CTNNA2: variants seen among roughly 807,000 people sequenced by gnomAD.
CTNNA2 encodes catenin alpha-2.
CTNNA2 carries 42 observed loss-of-function variants against 101.0 expected under a neutral mutation model. The ratio of observed to expected loss-of-function variants is 0.42; its 90% CI spans 0.32 to 0.54. The LOEUF is 0.54. CTNNA2 is among the 20% of genes least tolerant of loss of function. The pLI is 0.14. For synonymous variants in CTNNA2, 450 were observed against 456.4 expected (o/e 0.99, Z 0.18); for missense variants, 871 against 1,223.1 (o/e 0.71, Z 4.29).
intron 3 of CTNNA2, among the ~76,000 whole-genome samples, chr2:79,793,610 A>G (rs1056229256): frequency 6.6e-6 from 1 of 152,104 alleles, no homozygotes; most frequent in African/African-American, 2.4e-5. Flanking sequence ...GTGATAAGAG[A>G]GTCTCGAATA....
intron 3 of CTNNA2, among the ~76,000 whole-genome samples, chr2:79,781,628 G>A (rs1467969429): frequency 6.6e-6 from 1 of 152,126 alleles, no homozygotes; most frequent in Admixed American, 6.6e-5. Flanking sequence ...AGATCAAAAA[G>A]TATTTGATAG....
intron 16 of CTNNA2, among the ~76,000 whole-genome samples, chr2:80,607,303 C>T (rs1348891596): frequency 6.6e-6 from 1 of 151,826 alleles, no homozygotes; most frequent in Non-Finnish European, 1.5e-5. Context: ...CTGGAAGTAG[C>T]TCAAGCTGAA....
intron 7 of CTNNA2, among the ~76,000 whole-genome samples, chr2:80,028,870 G>A (rs1695109162): frequency 1.3e-5 from 2 of 152,208 alleles, no homozygotes; most frequent in African/African-American, 4.8e-5. Flanking sequence ...GTTTCCAAAA[G>A]AGAAGTAGCT....
intron 7 of CTNNA2, among the ~76,000 whole-genome samples, chr2:80,007,690 A>G (rs942855435): frequency 2.0e-5 from 3 of 152,162 alleles, no homozygotes; most frequent in African/African-American, 7.2e-5. Context: ...AACAGTTCTC[A>G]TTAGAGATCA....
chr2:79,976,159 A>G (rs532768847), intron 7 of CTNNA2, among the ~76,000 whole-genome samples: 2 of 152,332 alleles, frequency 1.3e-5, no homozygotes, highest in South Asian at 4.1e-4. Context: ...TGTATTTCAC[A>G]TTCTCACAAG....
intron 4 of CTNNA2, among the ~76,000 whole-genome samples, chr2:79,390,308 G>A (rs1678158204): frequency 1.3e-5 from 2 of 152,078 alleles, no homozygotes; most frequent in Admixed American, 6.6e-5. Flanking sequence ...TTATTTATTT[G>A]CAATGAGATA....
intron 15 of CTNNA2, among the ~76,000 whole-genome samples, chr2:80,591,614 T>C (rs1194299926): frequency 1.3e-5 from 2 of 151,990 alleles, no homozygotes; most frequent in Admixed American, 1.3e-4. Context: ...GCTCCATAAC[T>C]CTAAACATTC....
At chr2:79,840,594 A>T (rs370329212) in intron 3 of CTNNA2, among the ~76,000 whole-genome samples, 1 of 152,076 alleles carries the variant, frequency 6.6e-6, no homozygotes, top group African/African-American at 2.4e-5. Context: ...TGAGCCTATT[A>T]TAAGAGATAT....
At chr2:79,826,158 T>C (rs546119934) in intron 3 of CTNNA2, among the ~76,000 whole-genome samples, 3 of 152,272 alleles carry the variant, frequency 2.0e-5, no homozygotes, top group Admixed American at 2.0e-4. Context: ...ATATTTGTAG[T>C]AGTCAATGTA....
intron 6 of CTNNA2, among the ~76,000 whole-genome samples, chr2:79,894,710 A>G (rs750208266): frequency 3.3e-5 from 5 of 151,974 alleles, no homozygotes; most frequent in Non-Finnish European, 7.4e-5. Context: ...AACTACCCCA[A>G]TTTCTATGCC....
chr2:79,802,071 C>T (rs1031274997), intron 3 of CTNNA2, among the ~76,000 whole-genome samples: 15 of 151,560 alleles, frequency 9.9e-5, no homozygotes, highest in Admixed American at 9.9e-4. Context: ...GCAGAAGCTT[C>T]TGAGCTTCTG....
At chr2:80,558,458 GTA>G (rs1558585225) in intron 12 of CTNNA2, among the ~76,000 whole-genome samples, 2 of 53,894 alleles carry the variant, frequency 3.7e-5, no homozygotes, top group Non-Finnish European at 1.5e-4. Context: ...GTGTGTGTGT[GTA>G]TATATGTGTG....
chr2:80,647,573 T>C lies in CTNNA2; in HGVS notation c.2575-12T>C. ...ATTAACCCACATGTATCTCATTCTTTTCCTACTCTAGCTGGACAGTGCCAC... is the reference window on the plus strand; with the variant it reads ...ATTAACCCACATGTATCTCATTCTTCTCCTACTCTAGCTGGACAGTGCCAC... On this transcript the variant is annotated splice_polypyrimidine_tract_variant and intron_variant, in intron 18 of 18. Transcript: ENST00000402739. 1 of 1,589,252 alleles carries C rather than the reference T, an allele frequency of 6.3e-7. No individual in the cohort carries two copies. Among genetic ancestry groups the C allele is most frequent in the South Asian group, 1.1e-5 (1 of 87,106 alleles).
At chr2:80,034,825 G>T (rs72922702) in intron 7 of CTNNA2, among the ~76,000 whole-genome samples, 2 of 152,094 alleles carry the variant, frequency 1.3e-5, no homozygotes, top group African/African-American at 4.8e-5. Flanking sequence ...GGGGGAGGAA[G>T]GGAGCATAAA....
chr2:79,759,910 A>G (rs1050243622), intron 3 of CTNNA2, among the ~76,000 whole-genome samples: 3 of 152,178 alleles, frequency 2.0e-5, no homozygotes, highest in African/African-American at 7.2e-5. Flanking sequence ...GCTAGAGTTA[A>G]ACTTTATTCT....
rs368857984 is a variant in CTNNA2, at chr2:80,102,629, C to T, written c.1056+192832C>T. ...CTGGGTTCAAGTGATTTTCCTGCCT[C>T]AGCCTCCTGAGTAGTTGGGACTACA... On this transcript the variant is annotated intron_variant, in intron 7 of 18. Transcript: ENST00000402739. Among the ~76,000 whole-genome samples, 29 of 152,312 alleles carry T rather than the reference C, an allele frequency of 1.9e-4. 1 individual carries two copies. In the East Asian group the frequency reaches 4.8e-3, roughly 25 times the overall value.
chr2:79,929,229 A>G (rs1687225729), intron 7 of CTNNA2, among the ~76,000 whole-genome samples: 2 of 152,216 alleles, frequency 1.3e-5, no homozygotes, highest in Non-Finnish European at 2.9e-5. Flanking sequence ...GGAAATTTAT[A>G]GTAGTAATTT....
intron 7 of CTNNA2, among the ~76,000 whole-genome samples, chr2:80,292,760 G>A (rs189879873): frequency 6.6e-6 from 1 of 152,320 alleles, no homozygotes; most frequent in Non-Finnish European, 1.5e-5. Flanking sequence ...GTTGACTTAA[G>A]CTCTGAACAA....
At chr2:80,238,679 G>A (rs1709669537) in intron 7 of CTNNA2, among the ~76,000 whole-genome samples, 1 of 152,192 alleles carries the variant, frequency 6.6e-6, no homozygotes, top group Admixed American at 6.5e-5. Context: ...CCTGAAGCTA[G>A]CGTAAAAGTT....
Sources: allele counts gnomAD v4.1 joint callset (sites outside exome capture counted in the v4.1 genomes callset), GRCh38; gene constraint gnomAD v4.1.1; transcripts MANE v1.5; gene names NCBI Gene and HGNC (gene_info 2026-07-23, HGNC 2026-07-21).